Variants in DYSF observed in about 807,000 individuals in gnomAD.
DYSF encodes dysferlin, also known as dystrophy-associated fer-1-like 1.
A neutral mutation model predicts 274.9 loss-of-function variants in DYSF; 212 were observed. That is an observed-to-expected ratio of 0.77 (90% confidence interval 0.69 to 0.86). DYSF has a LOEUF of 0.86. DYSF is among the 40% of genes least tolerant of loss of function. The pLI, the probability that DYSF is intolerant of heterozygous loss-of-function variation, is 0.00. For synonymous variants in DYSF, 1,091 were observed against 1,078.7 expected (o/e 1.01, Z -0.22); for missense variants, 2,666 against 2,783.2 (o/e 0.96, Z 0.95).
chr2:71,473,249 C>CTCT (rs2082164051), intron 1 of DYSF, among the ~76,000 whole-genome samples: 1 of 152,238 alleles, frequency 6.6e-6, no homozygotes, highest in Non-Finnish European at 1.5e-5. Context: ...AGAGGTAATA[C>CTCT]AGGCCTTCCT....
At chr2:71,591,242 C>T (rs1438828985) in intron 32 of DYSF, among the ~76,000 whole-genome samples, 1 of 152,190 alleles carries the variant, frequency 6.6e-6, no homozygotes, top group Non-Finnish European at 1.5e-5. Flanking sequence ...CCTTCAAGAC[C>T]CAGCCCAGAT....
chr2:71,638,330 C>T (rs368686881), intron 41 of DYSF, among the ~76,000 whole-genome samples: 18 of 142,382 alleles, frequency 1.3e-4, no homozygotes, highest in Admixed American at 3.7e-4. Context: ...CAACCATGAC[C>T]GGAATCCATT....
At position 71,600,764 on chromosome 2, in the gene DYSF, G is replaced by A. The variant is rs751068960; in HGVS notation, c.3819G>A (p.Leu1273=). ...CQPSLERMPR[L]AWFPLTRGSQ... Reference sequence around the variant, plus strand: ...CGAGTCTGGAACGGATGCCACGGCTGGCCTGGTTCCCACTGACGAGGGGCA... The same window carrying A: ...CGAGTCTGGAACGGATGCCACGGCTAGCCTGGTTCCCACTGACGAGGGGCA... Residue 1273 remains leucine, a synonymous_variant, in exon 34 of 56, where the codon CTG becomes CTA. Transcript: ENST00000410020. The A allele has an allele frequency of 7.4e-6, 12 of 1,613,704 alleles. No individual in the cohort carries two copies.
chr2:71,684,033 G>A (rs1474630828), intron 55 of DYSF, among the ~76,000 whole-genome samples: 1 of 152,224 alleles, frequency 6.6e-6, no homozygotes, highest in South Asian at 2.1e-4. Context: ...AACCAGGGTG[G>A]TGAAGGGTCT....
chr2:71,461,553 A>AGGCCTGGAT (rs1302249260), intron 1 of DYSF, among the ~76,000 whole-genome samples: 1 of 152,230 alleles, frequency 6.6e-6, no homozygotes, highest in Non-Finnish European at 1.5e-5. Flanking sequence ...AGAGCACAGG[A>AGGCCTGGAT]GGCCTTTGGA....
At chr2:71,463,937 G>T (rs768295316), upstream of DYSF, among the ~76,000 whole-genome samples, 20 of 152,292 alleles carry the variant, frequency 1.3e-4, no homozygotes, top group Middle Eastern at 3.4e-3. Flanking sequence ...TCAAATGTCC[G>T]CCTCATCTTG....
intron 42 of DYSF, among the ~76,000 whole-genome samples, chr2:71,652,221 G>A (rs532487235): frequency 6.6e-6 from 1 of 152,298 alleles, no homozygotes; most frequent in Admixed American, 6.5e-5. Context: ...ACAAAGACAA[G>A]ACAAGACTCA....
At chr2:71,454,212 G>T in intron 1 of DYSF, 1 of 934,752 alleles carries the variant, frequency 1.1e-6, no homozygotes, top group East Asian at 2.6e-5. Context: ...CCAGACTGAC[G>T]TTGAGTGTTG....
At chr2:71,478,013 G>T (rs1460656402) in intron 1 of DYSF, among the ~76,000 whole-genome samples, 1 of 149,536 alleles carries the variant, frequency 6.7e-6, no homozygotes, top group African/African-American at 2.5e-5. Context: ...AAATCTAAAA[G>T]TGTCACTTTT....
chr2:71,616,492 T>A (rs6546705), intron 40 of DYSF, among the ~76,000 whole-genome samples: 1 of 149,098 alleles, frequency 6.7e-6, no homozygotes, highest in African/African-American at 2.5e-5. Flanking sequence ...CAGGTGGGGG[T>A]GGTAGGAGCA....
At chr2:71,618,372 CATGTGTG>C (rs1558639488) in intron 40 of DYSF, among the ~76,000 whole-genome samples, 3 of 2,086 alleles carry the variant, frequency 1.4e-3, no homozygotes, top group African/African-American at 2.1e-3. Context: ...GTAGAGGTGG[CATGTGTG>C]GTAGAGGTGG....
rs548062068 is a variant in DYSF at position 71,555,990 on chromosome 2, T to G, written c.2135T>G (p.Leu712Arg). The G allele has an allele frequency of 3.2e-6, 5 of 1,569,068 alleles. No homozygotes were observed. In the East Asian group the frequency reaches 1.2e-4, roughly 36 times the overall value. The change falls in exon 22 of 56, where the codon CTG becomes CGG. Residue 712 changes from leucine (L) to arginine (R), a missense_variant. Transcript: ENST00000410020. ...GAAGCTGGCCTGGAGCAGGTCCACC[T>G]GGCCCTGAAGGCGCAGTGCTCCACG... is the stretch of plus-strand genomic sequence containing the variant. ...RLEAGLEQVH[L>R]ALKAQCSTED...
At chr2:71,605,366 G>A (rs776105844) in intron 36 of DYSF, among the ~76,000 whole-genome samples, 24 of 152,220 alleles carry the variant, frequency 1.6e-4, no homozygotes, top group Non-Finnish European at 3.1e-4. Context: ...GTGCATGCAC[G>A]TGTGAGCATG....
intron 22 of DYSF, among the ~76,000 whole-genome samples, chr2:71,561,416 G>A (rs796882267): frequency 6.6e-5 from 10 of 152,322 alleles, no homozygotes; most frequent in African/African-American, 2.2e-4. Flanking sequence ...CCCTCCGAGA[G>A]CCTGTAGTCA....
At chr2:71,641,634 C>T (rs2094487975) in intron 41 of DYSF, among the ~76,000 whole-genome samples, 3 of 152,040 alleles carry the variant, frequency 2.0e-5, no homozygotes, top group South Asian at 2.1e-4. Context: ...AGTGAAAACA[C>T]TTAAGATAAA....
upstream of DYSF, among the ~76,000 whole-genome samples, chr2:71,462,166 C>T (rs373179979): frequency 1.4e-4 from 22 of 152,338 alleles, no homozygotes; most frequent in Admixed American, 4.6e-4. Flanking sequence ...CTGCGAAGGG[C>T]GAGCCAGGCA....
At chr2:71,671,381 C>T (rs1297087055) in intron 51 of DYSF, among the ~76,000 whole-genome samples, 1 of 152,246 alleles carries the variant, frequency 6.6e-6, no homozygotes, top group Admixed American at 6.5e-5. Flanking sequence ...TGCCCCAAGA[C>T]ACAGCACTGC....
chr2:71,505,601 CTG>C (rs893587610), intron 4 of DYSF, among the ~76,000 whole-genome samples: 2 of 152,226 alleles, frequency 1.3e-5, no homozygotes, highest in Admixed American at 6.5e-5. Flanking sequence ...GCACGCTGGG[CTG>C]TGTGCCATGG....
At chr2:71,569,708 A>C in intron 26 of DYSF, 112 bp from the exon 27 acceptor site, 3 of 859,892 alleles carry the variant, frequency 3.5e-6, no homozygotes, top group Non-Finnish European at 5.7e-6. Context: ...CATGTCTCTC[A>C]TTGTTGGTTG....
Sources: allele counts gnomAD v4.1 joint callset (sites outside exome capture counted in the v4.1 genomes callset), GRCh38; gene constraint gnomAD v4.1.1; transcripts MANE v1.5; gene names NCBI Gene and HGNC (gene_info 2026-07-23, HGNC 2026-07-21).